COL6A1: variants seen among roughly 807,000 people sequenced by gnomAD.
COL6A1 encodes collagen alpha-1(VI) chain.
In COL6A1, 80 loss-of-function variants were observed where a neutral mutation model predicts 145.6. That is an observed-to-expected ratio of 0.55 (90% CI 0.46 to 0.66). COL6A1 has a LOEUF of 0.66. Ranked by LOEUF, COL6A1 falls within the 30% of genes least tolerant of loss-of-function variation. The pLI, the probability that COL6A1 is intolerant of heterozygous loss-of-function variation, is 0.00. For synonymous variants in COL6A1, 638 were observed against 622.8 expected (o/e 1.02, Z -0.36); for missense variants, 1,364 against 1,473.8 (o/e 0.93, Z 1.22).
In COL6A1 at chr21:45,994,497, G is replaced by A. The variant is rs188386665; in HGVS notation, c.1398+268G>A. Among the ~76,000 whole-genome samples, 137 of 152,240 alleles carry A rather than the reference G, an allele frequency of 9.0e-4. No homozygotes were observed. Among genetic ancestry groups the A allele is most frequent in the Middle Eastern group, 6.8e-3 (2 of 294 alleles). On this transcript the variant is annotated intron_variant, in intron 20 of 34. Transcript: ENST00000361866. The surrounding 1 kb of genome is among the most constrained non-coding windows in gnomAD (Gnocchi z 6.8). ...CCCAGGTGGAGAAGCGCTGTCTGGG[G>A]GCCCATCCGGGGCAAGGGTGCCTCA...
At position 46,003,734 on chromosome 21, in the gene COL6A1, G is replaced by A. The variant is rs754364018; in HGVS notation, c.2808G>A (p.Lys936=). The change falls in exon 35 of 35, where the codon AAG becomes AAA. Residue 936 remains lysine (K), a synonymous_variant. Transcript: ENST00000361866. ...FYREASSGAA[K]KRLLLFSDGN... The stretch of plus-strand genomic sequence containing the variant: ...GCGAGGCCTCGTCCGGCGCTGCCAA[G>A]AAGAGGCTGCTGCTCTTCTCAGATG... 4.3e-6 allele frequency: 7 copies of A among 1,612,818 alleles called. No individual in the cohort carries two copies. In the Admixed American group the frequency reaches 1.2e-4, roughly 27 times the overall value.
intron 18 of COL6A1, 35 bp from the exon 19 acceptor site, chr21:45,992,713 G>A (rs1408528401): frequency 1.3e-6 from 2 of 1,560,002 alleles, no homozygotes; most frequent in South Asian, 2.4e-5. Context: ...AGTTCCAGCA[G>A]CTGAGGCTTC....
chr21:45,997,668 C>G, intron 21 of COL6A1, 32 bp from the exon 22 acceptor site: 5 of 1,572,432 alleles, frequency 3.2e-6, no homozygotes, highest in Non-Finnish European at 4.3e-6. Context: ...CATGCTAAGC[C>G]TGCTCCCCTC....
chr21:45,991,425 GGGAGGGTGGTGAGCGGGGGCGGGA>G (rs1254387918), intron 15 of COL6A1, among the ~76,000 whole-genome samples: 2 of 151,860 alleles, frequency 1.3e-5, no homozygotes, highest in Admixed American at 6.6e-5. Context: ...GCGAGTGGGC[GGGAGGGTGGTGAGCGGGGGCGGGA>G]GGAGGGTGGT....
intron 27 of COL6A1, 42 bp from the exon 28 acceptor site, chr21:46,000,289 G>A: frequency 6.2e-7 from 1 of 1,613,086 alleles, no homozygotes; most frequent in Non-Finnish European, 8.5e-7. Context: ...CCGCTGGGAG[G>A]GGCTGTCTAT....
At position 45,991,001 on chromosome 21, in the gene COL6A1, C is replaced by G; in HGVS notation, c.1079C>G (p.Pro360Arg). 1 of 1,613,376 alleles carries G rather than the reference C, an allele frequency of 6.2e-7. No homozygotes were observed. Among genetic ancestry groups the G allele is most frequent in the Non-Finnish European group, 8.5e-7 (1 of 1,179,912 alleles). Residue 360 changes from proline (P) to arginine (R), a missense_variant, in exon 15 of 35, where the codon CCC (proline) becomes CGC (arginine). Pro to Arg is a moderately radical substitution (Grantham distance 103). Coordinates refer to ENST00000361866, the MANE Select transcript of COL6A1 (RefSeq NM_001848.3). ...GFDGIQGPPG[P>R]KGDPGAFGLK... Reference sequence around the variant, plus strand: ...CAGGGCATTCAAGGACCCCCTGGCCCCAAGGGAGACCCCGGTGCCTTTGGA... The same window carrying G: ...CAGGGCATTCAAGGACCCCCTGGCCGCAAGGGAGACCCCGGTGCCTTTGGA...
intron 2 of COL6A1, 151 bp downstream of exon 2, chr21:45,982,914 AGT>A (rs2077716486): frequency 5.4e-6 from 6 of 1,119,744 alleles, no homozygotes; most frequent in South Asian, 5.2e-5. Flanking sequence ...CGCCCTCCAG[AGT>A]GAGGCCGGGG....
intron 30 of COL6A1, 26 bp downstream of exon 30, chr21:46,001,412 C>T (rs2077844508): frequency 1.2e-6 from 2 of 1,605,916 alleles, no homozygotes; most frequent in Non-Finnish European, 1.7e-6. Context: ...GCCCGGCTTT[C>T]TCAAGCCCAG....
In COL6A1 at chr21:45,999,791, A is replaced by AT. The variant is rs1192732535; in HGVS notation, c.1776+99_1776+100insT. The AT allele has an allele frequency of 6.5e-5, 45 of 689,382 alleles. 1 individual carries two copies. Among genetic ancestry groups the AT allele is most frequent in the Admixed American group, 1.4e-4 (5 of 36,536 alleles). 42.7% of individuals were successfully genotyped at this position (689,382 alleles called of 1,614,324 possible). On this transcript the variant is annotated intron_variant, in intron 27 of 34. Transcript: ENST00000361866. ...ATGGGTGCTCCTGTAGACGCTGCTCACGGGGGGGTGGGTTGTGGACAAAGA... is the reference window on the plus strand; with the variant it reads ...ATGGGTGCTCCTGTAGACGCTGCTCATCGGGGGGGTGGGTTGTGGACAAAGA...
chr21:45,999,597 G>T, intron 26 of COL6A1, 60 bp from the exon 27 acceptor site: 1 of 1,589,592 alleles, frequency 6.3e-7, no homozygotes, highest in Non-Finnish European at 8.6e-7. Flanking sequence ...GGCTGTCTCA[G>T]CTCAGGAAGC....
rs1302897368 is a variant in COL6A1 at position 46,001,884 on chromosome 21, C to G, written c.1957-77C>G. 4.5e-6 allele frequency: 6 copies of G among 1,326,690 alleles called. No homozygotes were observed. In the African/African-American group the frequency reaches 8.6e-5, roughly 19 times the overall value. The allele number at this position is 1,326,690 out of a possible 1,614,324, so 82.2% of individuals were successfully genotyped here. A position where few individuals can be genotyped will look rare whatever the true frequency, so the allele number is the denominator to read the frequency against. On this transcript the variant is annotated intron_variant, in intron 30 of 34. Transcript: ENST00000361866. ...CATGCCACCCTCTGGGCACCCGCAG[C>G]CAATAGAGTCACCCTTGGGAAGCTT...
In COL6A1 at chr21:46,000,837, C is replaced by T. The variant is rs137917255; in HGVS notation, c.1822+70C>T. On this transcript the variant is annotated intron_variant, in intron 29 of 34. Coordinates refer to ENST00000361866, the MANE Select transcript of COL6A1 (RefSeq NM_001848.3). The stretch of plus-strand genomic sequence containing the variant: ...CGGGGAGCGAGGCCTGGGTCCCACA[C>T]ATGTCACAGGACAGCACATGGCACT... The T allele has an allele frequency of 1.5e-3, 2,358 of 1,582,486 alleles. 30 individuals are homozygous for T. The African/African-American group carries it at 0.027, about 18-fold the overall frequency.
intron 28 of COL6A1, 22 bp downstream of exon 28, chr21:46,000,389 T>C (rs1299581955): frequency 1.2e-6 from 2 of 1,613,744 alleles, no homozygotes; most frequent in Non-Finnish European, 1.7e-6. Flanking sequence ...TGAGAAGCCG[T>C]CCTCGTTAGG....
chr21:45,991,157 T>A, intron 15 of COL6A1, 116 bp downstream of exon 15: 1 of 1,169,306 alleles, frequency 8.6e-7, no homozygotes, highest in Non-Finnish European at 1.3e-6. Flanking sequence ...CCGTGCGGCC[T>A]CAGAGGGGAG....
chr21:45,991,144 C>G, intron 15 of COL6A1, 103 bp downstream of exon 15: 1 of 1,322,520 alleles, frequency 7.6e-7, no homozygotes, highest in Non-Finnish European at 1.1e-6. Flanking sequence ...GCATGTCGGC[C>G]ACCCGTGCGG....
Position 45,992,464 on chromosome 21 carries a change from G to A in COL6A1, c.1272+66G>A, listed in dbSNP as rs1459062312. 3 of 1,554,788 alleles carry A rather than the reference G, an allele frequency of 1.9e-6. No homozygotes were observed. The Admixed American group carries it at 5.4e-5, about 28-fold the overall frequency. Reference sequence around the variant, plus strand: ...TGTAGCTGTGGACGTGGCCTCTGCGGCCCAGTCTGGCCCTCCCAGCACTGA... The same window carrying A: ...TGTAGCTGTGGACGTGGCCTCTGCGACCCAGTCTGGCCCTCCCAGCACTGA... On this transcript the variant is annotated intron_variant, in intron 18 of 34. Coordinates refer to ENST00000361866, the MANE Select transcript of COL6A1 (RefSeq NM_001848.3).
At position 45,981,890 on chromosome 21, in the gene COL6A1, G is replaced by C; in HGVS notation, c.40G>C (p.Ala14Pro). ...ARALLPLLLQ[A>P]CWTAAQDEPE... ...TGCTCTGCTGCCCCTGCTGCTGCAG[G>C]CCTGCTGGACAGCCGCGCAGGATGA... Residue 14 changes from alanine (A) to proline (P), a missense_variant, in exon 1 of 35, where the codon GCC becomes CCC. Coordinates refer to ENST00000361866, the MANE Select transcript of COL6A1 (RefSeq NM_001848.3). 1 of 1,604,324 alleles carries C rather than the reference G, an allele frequency of 6.2e-7. No homozygotes were observed. The highest frequency in any genetic ancestry group is 8.5e-7 in the Non-Finnish European group (1 of 1,177,064).
chr21:45,982,838 C>A, intron 2 of COL6A1, 75 bp downstream of exon 2: 1 of 1,588,966 alleles, frequency 6.3e-7, no homozygotes, highest in African/African-American at 1.3e-5. Flanking sequence ...CCCAGGGGAA[C>A]ACGGGTGCGA....
rs2077842951 is a variant in COL6A1, at chr21:46,001,235, C to T, written c.1823-18C>T. On this transcript the variant is annotated intron_variant, in intron 29 of 34. Coordinates refer to ENST00000361866, the MANE Select transcript of COL6A1 (RefSeq NM_001848.3). ...GGAGGGGAGGGGCGTGCTCTGCTGA[C>T]ACCGCCCCCGCCTGCAGAATGCAAG... 2.5e-6 allele frequency: 4 copies of T among 1,599,434 alleles called. No individual in the cohort carries two copies. In the South Asian group the frequency reaches 3.3e-5, roughly 13 times the overall value.
Sources: gnomAD v4.1 joint callset for allele counts (sites outside exome capture counted in the v4.1 genomes callset) on GRCh38, gnomAD v4.1.1 for gene constraint, Gnocchi (gnomAD v3.1) non-coding constraint, MANE v1.5 for transcripts, NCBI Gene and HGNC (gene_info 2026-07-23, HGNC 2026-07-21) for gene names.